Variants in THSD4 observed in about 807,000 individuals in gnomAD.
THSD4 encodes thrombospondin type-1 domain-containing protein 4.
A neutral mutation model predicts 119.0 loss-of-function variants in THSD4; 69 were observed. The ratio of observed to expected loss-of-function variants is 0.58; its 90% CI spans 0.48 to 0.71. The LOEUF is 0.71. Ranked by LOEUF, THSD4 falls within the 30% of genes least tolerant of loss-of-function variation. THSD4 has a pLI of 0.00. For missense variants in THSD4, 1,393 were observed against 1,391.1 expected (o/e 1.00, Z -0.02); for synonymous variants, 524 against 540.4 (o/e 0.97, Z 0.42).
chr15:71,130,755 A>T (rs1381756989), intron 1 of THSD4, among the ~76,000 whole-genome samples: 4 of 152,064 alleles, frequency 2.6e-5, no homozygotes, highest in Admixed American at 6.6e-5. Context: ...TATTTATTTA[A>T]TTTTTTTGAG....
chr15:71,139,335 A>G (rs1178356225), intron 1 of THSD4, among the ~76,000 whole-genome samples: 1 of 152,190 alleles, frequency 6.6e-6, no homozygotes, highest in Non-Finnish European at 1.5e-5. Flanking sequence ...TTGAGTAAAT[A>G]ATTACTGATT....
intron 15 of THSD4, among the ~76,000 whole-genome samples, chr15:71,759,716 G>A (rs1424784993): frequency 1.3e-5 from 2 of 152,120 alleles, no homozygotes; most frequent in Admixed American, 6.5e-5. Flanking sequence ...CAGTACAATC[G>A]AACTCATATG....
chr15:71,215,395 A>G lies in THSD4; in HGVS notation c.460A>G (p.Arg154Gly). 6.5e-7 allele frequency: 1 copy of G among 1,528,676 alleles called. No homozygotes were observed. Among genetic ancestry groups the G allele is most frequent in the Non-Finnish European group, 8.7e-7 (1 of 1,143,332 alleles). 94.7% of individuals were successfully genotyped at this position (1,528,676 alleles called of 1,614,324 possible). A position where few individuals can be genotyped will look rare whatever the true frequency, so the allele number is the denominator to read the frequency against. ...CCAGGGCCTCGAAGTCACTGGGGAC[A>G]GAAGGTACACGCCCGCCCTTGTCTG... ...QPQGLEVTGD[R>G]RSRTRGTIGP... Residue 154 changes from arginine to glycine, a missense_variant, in exon 4 of 18, where the codon AGA (arginine) becomes GGA (glycine). Arg to Gly is a moderately radical substitution (Grantham distance 125). Transcript: ENST00000261862.
At chr15:71,204,566 A>G (rs1373127816) in intron 3 of THSD4, among the ~76,000 whole-genome samples, 7 of 152,230 alleles carry the variant, frequency 4.6e-5, no homozygotes, top group South Asian at 4.2e-4. Context: ...AAGTCCAACC[A>G]GCTCAGTTTA....
upstream of THSD4, chr15:71,112,154 C>T (rs1437231378): frequency 2.5e-6 from 4 of 1,613,794 alleles, no homozygotes; most frequent in South Asian, 3.3e-5. Context: ...TCACCACGTG[C>T]AGACGCTGTG....
chr15:71,556,841 G>C (rs1479907371), intron 7 of THSD4, among the ~76,000 whole-genome samples: 3 of 150,468 alleles, frequency 2.0e-5, no homozygotes, highest in Middle Eastern at 3.4e-3. Context: ...TCAGTTTTAT[G>C]TAGGAACTTT....
intron 6 of THSD4, among the ~76,000 whole-genome samples, chr15:71,327,527 C>T (rs1443514687): frequency 1.3e-5 from 2 of 152,116 alleles, no homozygotes; most frequent in Non-Finnish European, 1.5e-5. Flanking sequence ...AGTTTCATTG[C>T]GTTTGTCTTC....
intron 6 of THSD4, among the ~76,000 whole-genome samples, chr15:71,385,119 A>G (rs2046278974): frequency 6.6e-6 from 1 of 152,204 alleles, no homozygotes; most frequent in Non-Finnish European, 1.5e-5. Context: ...TATTGGATCC[A>G]ATCCAATCCT....
chr15:71,134,345 G>A (rs749507338), intron 1 of THSD4, among the ~76,000 whole-genome samples: 45 of 152,204 alleles, frequency 3.0e-4, no homozygotes, highest in Non-Finnish European at 3.4e-4. Flanking sequence ...ATTGATGACC[G>A]CCACCAGAGA....
chr15:71,254,223 G>A (rs1019851671), intron 5 of THSD4, among the ~76,000 whole-genome samples: 4 of 152,302 alleles, frequency 2.6e-5, no homozygotes, highest in African/African-American at 7.2e-5. Flanking sequence ...CCCGGCAGCC[G>A]ATCTCTAGTT....
At chr15:71,617,398 C>T (rs2050337667) in intron 7 of THSD4, among the ~76,000 whole-genome samples, 1 of 151,858 alleles carries the variant, frequency 6.6e-6, no homozygotes, top group African/African-American at 2.4e-5. Flanking sequence ...TTTCTCATTG[C>T]CTTCTCTTTT....
chr15:71,298,574 G>C (rs1323992062), intron 6 of THSD4, among the ~76,000 whole-genome samples: 1 of 147,834 alleles, frequency 6.8e-6, no homozygotes, highest in Admixed American at 6.7e-5. Context: ...CCCTCCTTCT[G>C]TGAGACTGAG....
chr15:71,555,682 T>A (rs954032688), intron 7 of THSD4, among the ~76,000 whole-genome samples: 4 of 152,188 alleles, frequency 2.6e-5, no homozygotes, highest in African/African-American at 9.6e-5. Context: ...ACACTCTCTT[T>A]TTCTTGTTTA....
chr15:71,372,868 T>C (rs2046075471), intron 6 of THSD4, among the ~76,000 whole-genome samples: 1 of 152,246 alleles, frequency 6.6e-6, no homozygotes, highest in South Asian at 2.1e-4. Context: ...ATGCCCTGCC[T>C]GCAGAGGTGG....
intron 6 of THSD4, among the ~76,000 whole-genome samples, chr15:71,375,260 T>G (rs1175018650): frequency 6.6e-6 from 1 of 152,202 alleles, no homozygotes; most frequent in Non-Finnish European, 1.5e-5. Context: ...CACATATGTG[T>G]GCGAAAGGGA....
At chr15:71,316,250 C>T (rs993000457) in intron 6 of THSD4, among the ~76,000 whole-genome samples, 1 of 152,174 alleles carries the variant, frequency 6.6e-6, no homozygotes, top group Non-Finnish European at 1.5e-5. Flanking sequence ...TGCTAAACAG[C>T]CCCTCCTTTA....
At chr15:71,578,432 CTTTA>C (rs1427136401) in intron 7 of THSD4, among the ~76,000 whole-genome samples, 1 of 152,002 alleles carries the variant, frequency 6.6e-6, no homozygotes, top group African/African-American at 2.4e-5. Context: ...TTTCTTTTGA[CTTTA>C]TTTTTTTAAT....
At chr15:71,677,378 C>T (rs764546784) in intron 8 of THSD4, among the ~76,000 whole-genome samples, 32 of 152,330 alleles carry the variant, frequency 2.1e-4, no homozygotes, top group Non-Finnish European at 1.3e-4. Flanking sequence ...GCTTTTATGA[C>T]TCTTGTCCAG....
At chr15:71,664,040 T>A (rs1251371811) in intron 8 of THSD4, among the ~76,000 whole-genome samples, 2 of 152,018 alleles carry the variant, frequency 1.3e-5, no homozygotes, top group Admixed American at 1.3e-4. Flanking sequence ...TGGAGTGCAG[T>A]GGCGCCGTCT....
Sources: allele counts gnomAD v4.1 joint callset (sites outside exome capture counted in the v4.1 genomes callset), GRCh38; gene constraint gnomAD v4.1.1; transcripts MANE v1.5; gene names NCBI Gene and HGNC (gene_info 2026-07-23, HGNC 2026-07-21).